MPZL1: variants seen among roughly 807,000 people sequenced by gnomAD.
MPZL1 encodes the protein myelin protein zero like 1.
In MPZL1, 16 loss-of-function variants were observed where a neutral mutation model predicts 29.3. That is an observed-to-expected ratio of 0.55 (90% confidence interval 0.37 to 0.83). The LOEUF (loss-of-function observed/expected upper bound fraction) is 0.83, where lower values mean the gene tolerates loss of function less well. Ranked by LOEUF, MPZL1 falls within the 40% of genes least tolerant of loss-of-function variation. MPZL1 has a pLI of 0.00. For synonymous variants in MPZL1, 143 were observed against 132.0 expected, an observed-to-expected ratio of 1.08 and a Z score of -0.57; for missense variants, 279 against 332.9, an observed-to-expected ratio of 0.84 and a Z score of 1.26.
In MPZL1 at chr1:167,787,889, T is replaced by G. The variant is rs1661621948; in HGVS notation, c.778T>G (p.Ser260Ala). 2 of 1,613,302 alleles carry G rather than the reference T, an allele frequency of 1.2e-6. No individual in the cohort carries two copies. The highest frequency in any genetic ancestry group is 1.3e-5 in the African/African-American group (1 of 74,872). ...HHSDKINKSE[S>A]VVYADIRKN ...CAGTGACAAGATTAACAAGTCAGAG[T>G]CTGTGGTGTATGCGGATATCCGAAA... Residue 260 changes from serine (S) to alanine (A), a missense_variant, in exon 6 of 6, where the codon TCT becomes GCT. Coordinates refer to ENST00000359523, the MANE Select transcript of MPZL1 (RefSeq NM_003953.6).
chr1:167,750,821 GATTC>G (rs1660740172), intron 1 of MPZL1, among the ~76,000 whole-genome samples: 1 of 152,172 alleles, frequency 6.6e-6, no homozygotes, highest in African/African-American at 2.4e-5. Context: ...AGAATCATGT[GATTC>G]ACTTAGCCAT....
chr1:167,728,790 G>A (rs533294300), intron 1 of MPZL1, among the ~76,000 whole-genome samples: 2 of 152,132 alleles, frequency 1.3e-5, no homozygotes, highest in Non-Finnish European at 2.9e-5. Flanking sequence ...GTATGTCTTT[G>A]CCTATCCTGT....
chr1:167,740,375 T>G (rs981248409), intron 1 of MPZL1, among the ~76,000 whole-genome samples: 9 of 152,318 alleles, frequency 5.9e-5, no homozygotes, highest in African/African-American at 2.2e-4. Context: ...CCATTGAAAC[T>G]TCTCCTATCA....
intron 1 of MPZL1, among the ~76,000 whole-genome samples, chr1:167,722,736 G>T (rs1024895024): frequency 4.5e-4 from 68 of 152,316 alleles, no homozygotes; most frequent in Admixed American, 3.9e-3. Flanking sequence ...GGGTTTTGTT[G>T]TAAGTTCCCT....
At chr1:167,763,170 G>A (rs1170898195) in intron 1 of MPZL1, among the ~76,000 whole-genome samples, 1 of 152,112 alleles carries the variant, frequency 6.6e-6, no homozygotes, top group South Asian at 2.1e-4. Context: ...TAATGTCTCG[G>A]GATGACAAGT....
intron 1 of MPZL1, among the ~76,000 whole-genome samples, chr1:167,733,999 G>A (rs533541016): frequency 6.6e-6 from 1 of 152,272 alleles, no homozygotes; most frequent in East Asian, 1.9e-4. Context: ...GCTCACGCCT[G>A]TAATCCCAGC....
chr1:167,746,828 C>T (rs914224355), intron 1 of MPZL1, among the ~76,000 whole-genome samples: 23 of 152,088 alleles, frequency 1.5e-4, no homozygotes, highest in African/African-American at 5.3e-4. Context: ...TCTTAGTTTC[C>T]TCTAAAATAT....
At chr1:167,779,291 A>G (rs1399400560) in intron 5 of MPZL1, among the ~76,000 whole-genome samples, 2 of 152,196 alleles carry the variant, frequency 1.3e-5, no homozygotes, top group African/African-American at 2.4e-5. Context: ...ACAGAAAGCA[A>G]TAGCGAAAAT....
At chr1:167,726,594 A>G (rs1164922268) in intron 1 of MPZL1, among the ~76,000 whole-genome samples, 1 of 152,116 alleles carries the variant, frequency 6.6e-6, no homozygotes, top group East Asian at 1.9e-4. Context: ...CAAGAAGAAT[A>G]TTTTTCCAAA....
In MPZL1 at chr1:167,761,307, G is replaced by A. The variant is rs12754600; in HGVS notation, c.92-4276G>A. Among the ~76,000 whole-genome samples, 1,012 of 152,306 alleles carry A rather than the reference G, an allele frequency of 6.6e-3. 6 individuals carry two copies. The highest frequency in any genetic ancestry group is 9.3e-3 in the Non-Finnish European group (635 of 68,018). The stretch of plus-strand genomic sequence containing the variant: ...ATGTATGTTTATATTGCTGCTGGTG[G>A]TAATTCAGTAGTGAGTGAAAAATTC... On this transcript the variant is annotated intron_variant, in intron 1 of 5. Transcript: ENST00000359523.
intron 1 of MPZL1, among the ~76,000 whole-genome samples, chr1:167,740,466 C>G (rs1324370769): frequency 6.6e-6 from 1 of 152,186 alleles, no homozygotes; most frequent in Non-Finnish European, 1.5e-5. Flanking sequence ...AGTCCCTCCT[C>G]TCTTCTCTTG....
At chr1:167,734,028 G>C (rs1006229146) in intron 1 of MPZL1, among the ~76,000 whole-genome samples, 3 of 152,104 alleles carry the variant, frequency 2.0e-5, no homozygotes, top group African/African-American at 7.2e-5. Flanking sequence ...AGGCCAAGGC[G>C]GACGGATCAT....
Position 167,722,108 on chromosome 1 carries a change from C to G in MPZL1, c.-44C>G. ...GAGCCAACCTCAGCGGGGACCCGGG[C>G]TCAGGGACGCGGCGGCGGCGGCGGC... On this transcript the variant is annotated 5_prime_UTR_variant, in exon 1 of 6. Transcript: ENST00000359523. 4 of 1,233,260 alleles carry G rather than the reference C, an allele frequency of 3.2e-6. No homozygotes were observed. Among genetic ancestry groups the G allele is most frequent in the Non-Finnish European group, 4.0e-6 (4 of 988,330 alleles). 76.4% of individuals were successfully genotyped at this position (1,233,260 alleles called of 1,614,324 possible).
chr1:167,782,482 A>G (rs1661517532), intron 5 of MPZL1, among the ~76,000 whole-genome samples: 1 of 152,196 alleles, frequency 6.6e-6, no homozygotes, highest in Non-Finnish European at 1.5e-5. Flanking sequence ...TTCATTTAAA[A>G]TATATTTACT....
At chr1:167,765,499 T>A in intron 1 of MPZL1, 84 bp from the exon 2 acceptor site, 1 of 1,196,506 alleles carries the variant, frequency 8.4e-7, no homozygotes, top group South Asian at 1.7e-5. Context: ...GTAACTTTGC[T>A]GTATCTTTTC....
chr1:167,779,323 G>A (rs1288160171), intron 5 of MPZL1, among the ~76,000 whole-genome samples: 1 of 152,088 alleles, frequency 6.6e-6, no homozygotes, highest in African/African-American at 2.4e-5. Flanking sequence ...GTGACTCAAC[G>A]CCTGTAATCC....
At chr1:167,735,770 C>T (rs1196371686) in intron 1 of MPZL1, among the ~76,000 whole-genome samples, 1 of 152,184 alleles carries the variant, frequency 6.6e-6, no homozygotes, top group African/African-American at 2.4e-5. Flanking sequence ...GGCACACCTA[C>T]ATTATAATGG....
chr1:167,762,574 C>G (rs1426533920), intron 1 of MPZL1, among the ~76,000 whole-genome samples: 1 of 152,200 alleles, frequency 6.6e-6, no homozygotes, highest in Non-Finnish European at 1.5e-5. Flanking sequence ...ATTTGATTGG[C>G]CAAAACTCGG....
At chr1:167,769,863 C>T (rs1285262735) in intron 2 of MPZL1, among the ~76,000 whole-genome samples, 1 of 151,876 alleles carries the variant, frequency 6.6e-6, no homozygotes, top group African/African-American at 2.4e-5. Context: ...CAGTGGGAAC[C>T]GAATAGAGAG....
Sources: gnomAD v4.1 joint callset for allele counts (sites outside exome capture counted in the v4.1 genomes callset) on GRCh38, gnomAD v4.1.1 for gene constraint, MANE v1.5 for transcripts, NCBI Gene and HGNC (gene_info 2026-07-23, HGNC 2026-07-21) for gene names.